The following LRBA variants were observed in gnomAD, a reference collection of about 807,000 sequenced individuals.
LRBA encodes lipopolysaccharide-responsive and beige-like anchor protein.
Under a neutral mutation model 330.0 loss-of-function variants are expected in LRBA, and 176 were observed. The observed-to-expected ratio is 0.53, with a 90% CI of 0.47 to 0.60. The LOEUF (loss-of-function observed/expected upper bound fraction) is 0.60. Among genes scored for constraint, LRBA ranks in the 20% least tolerant of loss-of-function variants. LRBA has a pLI of 0.00. For synonymous variants in LRBA, 1,230 were observed against 1,193.0 expected (o/e 1.03, Z -0.64); for missense variants, 3,259 against 3,444.8 (o/e 0.95, Z 1.35).
intron 2 of LRBA, among the ~76,000 whole-genome samples, chr4:150,969,548 G>A (rs1327507107): frequency 2.0e-5 from 3 of 152,162 alleles, no homozygotes; most frequent in African/African-American, 4.8e-5. Context: ...ACTCACTATA[G>A]CCTTGACCTC....
chr4:150,364,343 C>T (rs1466960709), intron 47 of LRBA, among the ~76,000 whole-genome samples: 1 of 152,164 alleles, frequency 6.6e-6, no homozygotes, highest in Admixed American at 6.5e-5. Flanking sequence ...TTAATCCTTA[C>T]AATAATCCTA....
chr4:150,474,411 A>G (rs1354119376), intron 42 of LRBA, among the ~76,000 whole-genome samples: 1 of 152,210 alleles, frequency 6.6e-6, no homozygotes, highest in Non-Finnish European at 1.5e-5. Flanking sequence ...TATTTTGATA[A>G]CTGTGGCTCT....
chr4:150,464,628 G>T (rs1448959659), intron 44 of LRBA, among the ~76,000 whole-genome samples: 2 of 151,836 alleles, frequency 1.3e-5, no homozygotes, highest in Admixed American at 6.6e-5. Flanking sequence ...TGCTGATCTG[G>T]GCCTGGCTTT....
Position 150,736,908 on chromosome 4 carries a change from T to TA in LRBA, c.5646-1543dup, listed in dbSNP as rs1731254521. ...TAAGAATGCAATGACCTATTTGAAA[T>TA]ACTAAACAAAAATACTACCTAAAAG... On this transcript the variant is annotated intron_variant, in intron 35 of 56. Coordinates refer to ENST00000651943, the MANE Select transcript of LRBA (RefSeq NM_001364905.1). Among the ~76,000 whole-genome samples the TA allele has an allele frequency of 3.9e-5, 6 of 152,130 alleles. 1 individual carries two copies. Among genetic ancestry groups the TA allele is most frequent in the Middle Eastern group, 6.8e-3 (2 of 294 alleles).
At chr4:150,940,753 T>C (rs750029775) in intron 2 of LRBA, among the ~76,000 whole-genome samples, 4 of 152,128 alleles carry the variant, frequency 2.6e-5, no homozygotes, top group Non-Finnish European at 5.9e-5. Flanking sequence ...GTTGAGTTAA[T>C]TTCTATGTCT....
chr4:150,745,521 T>G (rs1732573963), intron 35 of LRBA, among the ~76,000 whole-genome samples: 1 of 152,168 alleles, frequency 6.6e-6, no homozygotes, highest in South Asian at 2.1e-4. Context: ...TTTTGTTTTT[T>G]GTTTTTGTTT....
intron 46 of LRBA, among the ~76,000 whole-genome samples, chr4:150,421,722 G>A (rs530327433): frequency 1.3e-5 from 2 of 152,040 alleles, no homozygotes; most frequent in Admixed American, 1.3e-4. Context: ...GAGTAAACAA[G>A]CAGCTTTTCT....
chr4:150,590,996 G>T, intron 38 of LRBA, 137 bp from the exon 39 acceptor site: 1 of 701,024 alleles, frequency 1.4e-6, no homozygotes, highest in Non-Finnish European at 2.3e-6. Flanking sequence ...TGGAGAAAGT[G>T]ATTGGGATGG....
At chr4:150,295,649 T>C (rs1728892618) in intron 53 of LRBA, among the ~76,000 whole-genome samples, 1 of 152,196 alleles carries the variant, frequency 6.6e-6, no homozygotes, top group Non-Finnish European at 1.5e-5. Context: ...CTTGTGATCA[T>C]TTCATACTTT....
At chr4:150,664,562 A>G (rs1245611458) in intron 37 of LRBA, among the ~76,000 whole-genome samples, 1 of 152,148 alleles carries the variant, frequency 6.6e-6, no homozygotes, top group Non-Finnish European at 1.5e-5. Context: ...ATAATCCAAA[A>G]ACTCCTAAAT....
chr4:150,399,997 C>CGATT (rs1393322496), intron 47 of LRBA, among the ~76,000 whole-genome samples: 1 of 151,860 alleles, frequency 6.6e-6, no homozygotes, highest in Non-Finnish European at 1.5e-5. Flanking sequence ...ATCAATCAAT[C>CGATT]AATCAAGGCT....
intron 55 of LRBA, among the ~76,000 whole-genome samples, chr4:150,281,309 C>G (rs913645390): frequency 1.3e-5 from 2 of 152,084 alleles, no homozygotes; most frequent in Non-Finnish European, 1.5e-5. Flanking sequence ...ACGAGTGTGT[C>G]TCTGTGCGTG....
chr4:150,384,114 C>T (rs899750206), intron 47 of LRBA, among the ~76,000 whole-genome samples: 8 of 151,986 alleles, frequency 5.3e-5, no homozygotes, highest in Non-Finnish European at 1.2e-4. Flanking sequence ...TCTCAGCTCA[C>T]CGCAACCTCC....
chr4:150,957,370 C>G (rs79663820), intron 2 of LRBA, among the ~76,000 whole-genome samples: 1 of 148,352 alleles, frequency 6.7e-6, no homozygotes, highest in Non-Finnish European at 1.5e-5. Flanking sequence ...ATAAAACCAC[C>G]AGATCTCATG....
rs574322176 is a variant in LRBA at position 150,768,020 on chromosome 4, C to T, written c.5581-6173G>A. ...CAGAGGTTGCAGTGAGCCAAGATCA[C>T]GCCACTGCACTCCAGCCTGGGCAAC... On this transcript the variant is annotated intron_variant, in intron 34 of 56. Transcript: ENST00000651943. 4.8e-5 allele frequency among the ~76,000 whole-genome samples: 7 copies of T among 145,500 alleles called. No individual in the cohort carries two copies. The South Asian group carries it at 1.3e-3, about 27-fold the overall frequency.
At chr4:150,969,926 A>G (rs1579357076) in intron 2 of LRBA, among the ~76,000 whole-genome samples, 1 of 152,344 alleles carries the variant, frequency 6.6e-6, no homozygotes, top group South Asian at 2.1e-4. Flanking sequence ...TCTACTGTTC[A>G]TAGAACACTA....
chr4:150,603,659 C>A (rs1581791233), intron 37 of LRBA, among the ~76,000 whole-genome samples: 1 of 152,078 alleles, frequency 6.6e-6, no homozygotes, highest in African/African-American at 2.4e-5. Context: ...AATTAGTAAT[C>A]TGGCTAATTT....
chr4:150,576,283 T>C (rs1770536830), intron 40 of LRBA, among the ~76,000 whole-genome samples: 1 of 151,512 alleles, frequency 6.6e-6, no homozygotes, highest in South Asian at 2.1e-4. Flanking sequence ...TGTATGTAAA[T>C]AAAAGAATGT....
At chr4:150,949,151 CAGT>C (rs1483330024) in intron 2 of LRBA, among the ~76,000 whole-genome samples, 2 of 151,930 alleles carry the variant, frequency 1.3e-5, no homozygotes, top group African/African-American at 4.8e-5. Context: ...TAAATATTTA[CAGT>C]AGTTTTGTTG....
Sources: allele counts gnomAD v4.1 joint callset (sites outside exome capture counted in the v4.1 genomes callset), GRCh38; gene constraint gnomAD v4.1.1; transcripts MANE v1.5; gene names NCBI Gene and HGNC (gene_info 2026-07-23, HGNC 2026-07-21).